The following SGCZ variants were observed in gnomAD, a reference collection of about 807,000 sequenced individuals.
SGCZ encodes the protein zeta-sarcoglycan.
Under a neutral mutation model 41.3 loss-of-function variants are expected in SGCZ, and 40 were observed. The ratio of observed to expected loss-of-function variants is 0.97; its 90% CI spans 0.75 to 1.26. The LOEUF is 1.26. Ranked by LOEUF, SGCZ falls within the 50% of genes most tolerant of loss-of-function variation. The pLI, the probability that SGCZ is intolerant of heterozygous loss-of-function variation, is 0.00. For synonymous variants in SGCZ, 206 were observed against 137.5 expected (o/e 1.50, Z -3.49); for missense variants, 552 against 369.8 (o/e 1.49, Z -4.04).
chr8:14,416,143 A>C (rs2117291081), intron 2 of SGCZ, among the ~76,000 whole-genome samples: 1 of 152,046 alleles, frequency 6.6e-6, no homozygotes, highest in East Asian at 1.9e-4. Context: ...TCTTCCAATT[A>C]ACATGCATGT....
intron 1 of SGCZ, among the ~76,000 whole-genome samples, chr8:14,773,733 G>A (rs1389482153): frequency 3.9e-5 from 6 of 152,140 alleles, no homozygotes; most frequent in African/African-American, 1.2e-4. Flanking sequence ...CTGATATGGT[G>A]AGGGGCCTCC....
intron 1 of SGCZ, among the ~76,000 whole-genome samples, chr8:14,915,827 C>A (rs961623322): frequency 2.0e-5 from 3 of 152,174 alleles, no homozygotes; most frequent in Non-Finnish European, 4.4e-5. Context: ...ATTAAACTTT[C>A]CTCTCCTTAA....
At chr8:15,090,081 C>A (rs1282002109) in intron 1 of SGCZ, among the ~76,000 whole-genome samples, 2 of 152,132 alleles carry the variant, frequency 1.3e-5, no homozygotes, top group East Asian at 3.9e-4. Context: ...TTTTTGCCAA[C>A]TTTTCAGTTA....
intron 1 of SGCZ, among the ~76,000 whole-genome samples, chr8:14,800,295 T>C (rs1468731179): frequency 6.6e-6 from 1 of 152,178 alleles, no homozygotes; most frequent in Non-Finnish European, 1.5e-5. Flanking sequence ...CTAGTGGGTG[T>C]GTCTAAAATT....
rs79445519 is a variant in SGCZ at position 14,469,712 on chromosome 8, T to C, written c.234+85020A>G. ...ACCCCTGGCTTTCAGGGAGGAGATA[T>C]TGGCTAAAGGTTAAGTTAACGGCCA... is the stretch of plus-strand genomic sequence containing the variant. On this transcript the variant is annotated intron_variant, in intron 2 of 7. Transcript: ENST00000382080. Among the ~76,000 whole-genome samples the C allele has an allele frequency of 4.3e-3, 655 of 151,966 alleles. 7 individuals carry two copies. Among genetic ancestry groups the C allele is most frequent in the East Asian group, 0.031 (158 of 5,144 alleles).
intron 2 of SGCZ, among the ~76,000 whole-genome samples, chr8:14,395,492 T>C (rs184123933): frequency 2.1e-3 from 315 of 152,234 alleles, no homozygotes; most frequent in African/African-American, 6.7e-3. Context: ...CAGAATACAC[T>C]TGGGCTAATA....
chr8:15,227,358 C>T (rs1801811864), intron 1 of SGCZ, among the ~76,000 whole-genome samples: 1 of 152,122 alleles, frequency 6.6e-6, no homozygotes, highest in Admixed American at 6.5e-5. Flanking sequence ...AATGCATATA[C>T]ATAGAAAATA....
chr8:14,438,579 T>C (rs780258428), intron 2 of SGCZ, among the ~76,000 whole-genome samples: 1 of 152,068 alleles, frequency 6.6e-6, no homozygotes, highest in East Asian at 1.9e-4. Context: ...AAAGTGTTCC[T>C]AGAGGGAATT....
intron 4 of SGCZ, among the ~76,000 whole-genome samples, chr8:14,191,958 A>G (rs1454022352): frequency 6.6e-6 from 1 of 152,150 alleles, no homozygotes; most frequent in Non-Finnish European, 1.5e-5. Flanking sequence ...AATAAAGTAT[A>G]GGAAAGCTCA....
intron 1 of SGCZ, among the ~76,000 whole-genome samples, chr8:15,114,039 C>A (rs1453889844): frequency 1.3e-5 from 2 of 152,196 alleles, no homozygotes; most frequent in Non-Finnish European, 1.5e-5. Flanking sequence ...CTCCTTTTGT[C>A]TCCTGCCAGA....
intron 1 of SGCZ, among the ~76,000 whole-genome samples, chr8:14,842,147 CA>C (rs1325859294): frequency 1.3e-5 from 2 of 152,098 alleles, no homozygotes; most frequent in African/African-American, 4.8e-5. Context: ...CCAGAACACA[CA>C]TAACTGCACA....
intron 1 of SGCZ, among the ~76,000 whole-genome samples, chr8:15,054,536 T>C (rs1037062803): frequency 6.6e-6 from 1 of 152,202 alleles, no homozygotes. Flanking sequence ...ATTCCATGTC[T>C]TGGGTGAAAC....
At chr8:15,049,881 A>G (rs1310808070) in intron 1 of SGCZ, among the ~76,000 whole-genome samples, 2 of 152,138 alleles carry the variant, frequency 1.3e-5, no homozygotes, top group African/African-American at 4.8e-5. Flanking sequence ...CTGCCACCAT[A>G]TAAGAGGTGA....
chr8:14,773,020 T>A (rs907032499), intron 1 of SGCZ, among the ~76,000 whole-genome samples: 1 of 152,146 alleles, frequency 6.6e-6, no homozygotes, highest in African/African-American at 2.4e-5. Flanking sequence ...TCCACAATGG[T>A]TGAACTAGCT....
chr8:14,983,810 C>T (rs1440739472), intron 1 of SGCZ, among the ~76,000 whole-genome samples: 1 of 152,158 alleles, frequency 6.6e-6, no homozygotes, highest in Non-Finnish European at 1.5e-5. Flanking sequence ...TGAGCTCCTC[C>T]ATATTTTACT....
intron 2 of SGCZ, among the ~76,000 whole-genome samples, chr8:14,416,743 G>C (rs928016293): frequency 1.3e-5 from 2 of 151,862 alleles, no homozygotes; most frequent in Non-Finnish European, 1.5e-5. Flanking sequence ...CACTCTGCTA[G>C]CTTGCAGATC....
intron 5 of SGCZ, among the ~76,000 whole-genome samples, chr8:14,160,500 T>A (rs1376161424): frequency 6.6e-6 from 1 of 152,178 alleles, no homozygotes; most frequent in African/African-American, 2.4e-5. Context: ...TTTTCAATTG[T>A]GCATAGGTGA....
intron 1 of SGCZ, among the ~76,000 whole-genome samples, chr8:14,653,492 A>G (rs549416356): frequency 1.3e-5 from 2 of 152,262 alleles, no homozygotes; most frequent in South Asian, 2.1e-4. Flanking sequence ...AAGTCTCACT[A>G]TTATTCAGTA....
chr8:14,574,954 T>C (rs950941978), intron 1 of SGCZ, among the ~76,000 whole-genome samples: 2 of 152,160 alleles, frequency 1.3e-5, no homozygotes, highest in Non-Finnish European at 2.9e-5. Flanking sequence ...AAAATAAAAT[T>C]ATTTTATAAA....
Sources: gnomAD v4.1 joint callset for allele counts (sites outside exome capture counted in the v4.1 genomes callset) on GRCh38, gnomAD v4.1.1 for gene constraint, MANE v1.5 for transcripts, NCBI Gene and HGNC (gene_info 2026-07-23, HGNC 2026-07-21) for gene names.